The following ZNF407 variants were observed in gnomAD, a reference collection of about 807,000 sequenced individuals.
ZNF407 encodes zinc finger protein 407.
A neutral mutation model predicts 131.2 loss-of-function variants in ZNF407; 17 were observed. The ratio of observed to expected loss-of-function variants is 0.13; its 90% CI spans 0.09 to 0.19. The LOEUF is 0.19. Among genes scored for constraint, ZNF407 ranks in the 10% least tolerant of loss-of-function variants. ZNF407 has a pLI of 1.00. For synonymous variants in ZNF407, 1,156 were observed against 1,062.0 expected, an observed-to-expected ratio of 1.09 and a Z score of -1.72; for missense variants, 2,681 against 2,830.6, an observed-to-expected ratio of 0.95 and a Z score of 1.20.
chr18:74,760,515 T>A (rs749578715), intron 3 of ZNF407, among the ~76,000 whole-genome samples: 5 of 152,152 alleles, frequency 3.3e-5, no homozygotes, highest in Non-Finnish European at 5.9e-5. Context: ...CCTAACTGGT[T>A]TTATGCTCAG....
At chr18:74,919,664 C>T (rs1327510705) in intron 7 of ZNF407, among the ~76,000 whole-genome samples, 1 of 152,144 alleles carries the variant, frequency 6.6e-6, no homozygotes. Context: ...CTTTTTATTA[C>T]TGTTCTAAAA....
In ZNF407 at chr18:74,985,182, C is replaced by T. The variant is rs17175875; in HGVS notation, c.5428+64490C>T. ...TATTTTTACCTCTTTATTTGAATCA[C>T]CCTGTTAAACAGTTTCAGCTTTAAC... On this transcript the variant is annotated intron_variant, in intron 8 of 8. Transcript: ENST00000299687. 9.8e-3 allele frequency among the ~76,000 whole-genome samples: 1,496 copies of T among 152,238 alleles called. 12 individuals are homozygous for T. Among genetic ancestry groups the T allele is most frequent in the Non-Finnish European group, 0.014 (958 of 68,020 alleles).
chr18:75,035,128 T>C (rs1973292920), intron 8 of ZNF407, among the ~76,000 whole-genome samples: 1 of 152,236 alleles, frequency 6.6e-6, no homozygotes, highest in South Asian at 2.1e-4. Flanking sequence ...CTGAATGCCA[T>C]GAAATTAAGC....
At chr18:74,651,018 A>G (rs1186712972) in intron 3 of ZNF407, among the ~76,000 whole-genome samples, 2 of 152,084 alleles carry the variant, frequency 1.3e-5, no homozygotes, top group Non-Finnish European at 2.9e-5. Flanking sequence ...TAAAGATAGA[A>G]ATTTTGGTGT....
intron 8 of ZNF407, among the ~76,000 whole-genome samples, chr18:75,044,874 G>A (rs1973415111): frequency 6.6e-6 from 1 of 152,130 alleles, no homozygotes; most frequent in Admixed American, 6.5e-5. Flanking sequence ...AGACTTATTT[G>A]TACATCATAG....
chr18:74,843,158 G>C, intron 4 of ZNF407, among the ~76,000 whole-genome samples: 1 of 151,882 alleles, frequency 6.6e-6, no homozygotes, highest in Non-Finnish European at 1.5e-5. Flanking sequence ...GAGTATATTG[G>C]GCATATGTGT....
At chr18:74,756,869 A>T (rs538406632) in intron 3 of ZNF407, among the ~76,000 whole-genome samples, 1 of 152,074 alleles carries the variant, frequency 6.6e-6, no homozygotes, top group Non-Finnish European at 1.5e-5. Flanking sequence ...TCATCTAGAT[A>T]GTTTAGTTGG....
intron 8 of ZNF407, among the ~76,000 whole-genome samples, chr18:74,958,132 T>C (rs1972297668): frequency 6.6e-6 from 1 of 152,182 alleles, no homozygotes; most frequent in South Asian, 2.1e-4. Flanking sequence ...CTGGACGTCT[T>C]TGAGTATTCA....
intron 8 of ZNF407, among the ~76,000 whole-genome samples, chr18:74,933,053 A>T (rs1025532113): frequency 3.3e-5 from 5 of 152,190 alleles, no homozygotes; most frequent in African/African-American, 1.2e-4. Context: ...TAGATATCCC[A>T]AATCATTGAA....
rs1356818005 is a variant in ZNF407, at chr18:75,039,844, A to G, written c.5429-23306A>G. On this transcript the variant is annotated intron_variant, in intron 8 of 8. Transcript: ENST00000299687. ...ATCATAGTCATAAAGAAAAAGCTCA[A>G]TTTTATACATTTCCCTAGAGAATTT... Among the ~76,000 whole-genome samples, 3 of 151,590 alleles carry G rather than the reference A, an allele frequency of 2.0e-5. No homozygotes were observed. In the East Asian group the frequency reaches 5.8e-4, roughly 29 times the overall value.
chr18:74,636,173 C>T (rs768994531), intron 2 of ZNF407, among the ~76,000 whole-genome samples: 14 of 152,042 alleles, frequency 9.2e-5, no homozygotes, highest in East Asian at 3.9e-4. Context: ...GTGTAACTTC[C>T]GGGTAACAAG....
chr18:75,013,850 C>T (rs1973012415), intron 8 of ZNF407, among the ~76,000 whole-genome samples: 1 of 152,050 alleles, frequency 6.6e-6, no homozygotes, highest in African/African-American at 2.4e-5. Flanking sequence ...TATTTGCCTT[C>T]TAGAATTACA....
intron 8 of ZNF407, among the ~76,000 whole-genome samples, chr18:74,958,207 G>A (rs80208389): frequency 0.03 from 4,538 of 152,218 alleles, 228 homozygotes; most frequent in African/African-American, 0.1. Flanking sequence ...AAGTGCCTGC[G>A]ATAAAACAGT....
At chr18:74,683,095 G>A (rs900699998) in intron 3 of ZNF407, among the ~76,000 whole-genome samples, 1 of 152,204 alleles carries the variant, frequency 6.6e-6, no homozygotes, top group Non-Finnish European at 1.5e-5. Flanking sequence ...CCAGGTGTGT[G>A]AGGGCAGGGT....
intron 8 of ZNF407, among the ~76,000 whole-genome samples, chr18:75,029,322 T>A (rs1973209790): frequency 6.6e-6 from 1 of 152,220 alleles, no homozygotes; most frequent in South Asian, 2.1e-4. Flanking sequence ...GTGAGTGTTT[T>A]ATATAGCCTG....
At chr18:74,738,144 A>T (rs1968460811) in intron 3 of ZNF407, among the ~76,000 whole-genome samples, 1 of 152,084 alleles carries the variant, frequency 6.6e-6, no homozygotes, top group African/African-American at 2.4e-5. Context: ...ACGTTGGGCC[A>T]GGTGCGGTGG....
At chr18:74,910,099 G>C (rs1015353303) in intron 7 of ZNF407, among the ~76,000 whole-genome samples, 3 of 152,132 alleles carry the variant, frequency 2.0e-5, no homozygotes, top group African/African-American at 7.2e-5. Flanking sequence ...AATCTCTAGT[G>C]ACAACATCAT....
intron 8 of ZNF407, among the ~76,000 whole-genome samples, chr18:74,931,042 ATCTC>A (rs1275476111): frequency 6.6e-6 from 1 of 152,210 alleles, no homozygotes; most frequent in South Asian, 2.1e-4. Context: ...GTTTTTCTCT[ATCTC>A]TCTATCTAGA....
intron 8 of ZNF407, among the ~76,000 whole-genome samples, chr18:75,029,577 G>A (rs2122219154): frequency 6.6e-6 from 1 of 152,068 alleles, no homozygotes; most frequent in Middle Eastern, 3.4e-3. Flanking sequence ...GAGTGTGTGT[G>A]CGTGCGTGTG....
Sources: allele counts gnomAD v4.1 joint callset (sites outside exome capture counted in the v4.1 genomes callset), GRCh38; gene constraint gnomAD v4.1.1; transcripts MANE v1.5; gene names NCBI Gene and HGNC (gene_info 2026-07-23, HGNC 2026-07-21).